TAFA2: variants seen among roughly 807,000 people sequenced by gnomAD.
The protein encoded by TAFA2 is chemokine-like protein TAFA-2.
A neutral mutation model predicts 18.8 loss-of-function variants in TAFA2; 7 were observed. The ratio of observed to expected loss-of-function variants is 0.37; its 90% confidence interval spans 0.21 to 0.70. TAFA2 has a LOEUF of 0.70. Among genes scored for constraint, TAFA2 ranks in the 30% least tolerant of loss-of-function variants. TAFA2 has a pLI of 0.53. For missense variants in TAFA2, 122 were observed against 158.1 expected (o/e 0.77, Z 1.23); for synonymous variants, 60 against 54.2 (o/e 1.11, Z -0.47).
At chr12:61,942,331 G>C (rs1422844720) in intron 1 of TAFA2, among the ~76,000 whole-genome samples, 2 of 149,092 alleles carry the variant, frequency 1.3e-5, no homozygotes, top group Non-Finnish European at 3.0e-5. Flanking sequence ...ACCAAAAGTA[G>C]ATAAAACCAC....
chr12:62,189,892 C>G (rs1375932849), intron 1 of TAFA2, among the ~76,000 whole-genome samples: 1 of 150,624 alleles, frequency 6.6e-6, no homozygotes, highest in Non-Finnish European at 1.5e-5. Flanking sequence ...GCTACACTAC[C>G]AAGTACTTTG....
chr12:61,903,311 CA>C (rs892804745), intron 1 of TAFA2, among the ~76,000 whole-genome samples: 1 of 152,124 alleles, frequency 6.6e-6, no homozygotes, highest in Non-Finnish European at 1.5e-5. Context: ...GTGAAACTGC[CA>C]AACTCAAGTT....
intron 1 of TAFA2, among the ~76,000 whole-genome samples, chr12:62,137,316 C>A (rs1250494214): frequency 6.6e-6 from 1 of 152,032 alleles, no homozygotes; most frequent in Non-Finnish European, 1.5e-5. Flanking sequence ...GTATGCTAAG[C>A]CCTCTATGAG....
intron 4 of TAFA2, among the ~76,000 whole-genome samples, chr12:61,713,606 G>T (rs184705719): frequency 4.6e-5 from 7 of 152,000 alleles, no homozygotes; most frequent in Admixed American, 3.3e-4. Context: ...GAAAACCAAA[G>T]GTTTAAAAAT....
At chr12:61,874,848 T>C (rs1281294293) in intron 1 of TAFA2, among the ~76,000 whole-genome samples, 1 of 151,992 alleles carries the variant, frequency 6.6e-6, no homozygotes, top group Non-Finnish European at 1.5e-5. Context: ...TTATTACAAG[T>C]GAATCACTTG....
At chr12:61,931,319 G>C (rs1303441166) in intron 1 of TAFA2, among the ~76,000 whole-genome samples, 1 of 152,050 alleles carries the variant, frequency 6.6e-6, no homozygotes, top group Non-Finnish European at 1.5e-5. Flanking sequence ...CAGGTACCTT[G>C]GTTCATATGA....
At chr12:62,144,034 T>G in intron 1 of TAFA2, among the ~76,000 whole-genome samples, 1 of 116,718 alleles carries the variant, frequency 8.6e-6, no homozygotes, top group African/African-American at 3.4e-5. Context: ...GGTGACAGAG[T>G]GAGACCCTAT....
At chr12:62,252,082 A>G (rs1291227294) in intron 1 of TAFA2, 1 of 152,228 alleles carries the variant, frequency 6.6e-6, no homozygotes, top group Admixed American at 6.5e-5. Flanking sequence ...CTGATCTACC[A>G]TTCTAGAGTT....
At position 61,897,900 on chromosome 12, in the gene TAFA2, C is replaced by T. The variant is rs76938525; in HGVS notation, c.-1-30474G>A. Among the ~76,000 whole-genome samples the T allele has an allele frequency of 7.5e-3, 1,148 of 152,296 alleles. 12 individuals are homozygous for T. The highest frequency in any genetic ancestry group is 0.027 in the African/African-American group (1,109 of 41,560). On this transcript the variant is annotated intron_variant, in intron 1 of 4. Transcript: ENST00000416284. ...AGTCTCATCTGAGACAAGGCAAGTC[C>T]CTTCCTCGTAGAAGCCTGTAAAATC...
At chr12:61,865,573 C>T (rs17125447) in intron 2 of TAFA2, among the ~76,000 whole-genome samples, 346 of 152,174 alleles carry the variant, frequency 2.3e-3, no homozygotes, top group African/African-American at 8.3e-3. Context: ...TTTTCTGACA[C>T]GATGTGTAAT....
At chr12:61,732,270 AGTG>A (rs1870487418) in intron 4 of TAFA2, among the ~76,000 whole-genome samples, 1 of 152,146 alleles carries the variant, frequency 6.6e-6, no homozygotes, top group Non-Finnish European at 1.5e-5. Flanking sequence ...GTGTGGTGTC[AGTG>A]AAATAAGCAA....
chr12:61,755,990 G>C, intron 2 of TAFA2, among the ~76,000 whole-genome samples: 1 of 152,048 alleles, frequency 6.6e-6, no homozygotes, highest in East Asian at 1.9e-4. Flanking sequence ...TATAAAAACA[G>C]ATATTACAAT....
intron 1 of TAFA2, among the ~76,000 whole-genome samples, chr12:62,123,187 T>A (rs1471324762): frequency 6.6e-6 from 1 of 152,176 alleles, no homozygotes; most frequent in Non-Finnish European, 1.5e-5. Context: ...TTTTATTCCC[T>A]CTCTCAACTG....
At chr12:61,975,514 C>CATGTGTGTGTGTGT (rs1555180430) in intron 1 of TAFA2, among the ~76,000 whole-genome samples, 2 of 136,652 alleles carry the variant, frequency 1.5e-5, no homozygotes, top group Admixed American at 7.5e-5. Context: ...CAATAATATT[C>CATGTGTGTGTGTGT]GTGTGTGTGT....
intron 1 of TAFA2, among the ~76,000 whole-genome samples, chr12:62,104,102 G>T (rs1305008905): frequency 6.6e-6 from 1 of 152,120 alleles, no homozygotes; most frequent in Non-Finnish European, 1.5e-5. Flanking sequence ...GAAAGCAAGT[G>T]ATATTTAAAA....
chr12:62,154,414 C>A (rs144711249), intron 1 of TAFA2, among the ~76,000 whole-genome samples: 1 of 152,110 alleles, frequency 6.6e-6, no homozygotes, highest in South Asian at 2.1e-4. Context: ...CATGCTACCC[C>A]TGATAACAAG....
intron 1 of TAFA2, among the ~76,000 whole-genome samples, chr12:61,917,370 T>A (rs1270581545): frequency 6.6e-6 from 1 of 152,226 alleles, no homozygotes; most frequent in Admixed American, 6.5e-5. Context: ...TAATAATAAG[T>A]TCACAGTTAT....
At chr12:62,235,805 C>G (rs1272758491) in intron 1 of TAFA2, among the ~76,000 whole-genome samples, 1 of 151,394 alleles carries the variant, frequency 6.6e-6, no homozygotes, top group Admixed American at 6.6e-5. Flanking sequence ...CCAGGCTGGA[C>G]CCTTGGGCTC....
intron 2 of TAFA2, among the ~76,000 whole-genome samples, chr12:61,808,224 C>T (rs1871706921): frequency 6.6e-6 from 1 of 151,440 alleles, no homozygotes; most frequent in Non-Finnish European, 1.5e-5. Flanking sequence ...CTCATGAGAT[C>T]TGATGATATT....
Sources: allele counts gnomAD v4.1 joint callset (sites outside exome capture counted in the v4.1 genomes callset), GRCh38; gene constraint gnomAD v4.1.1; transcripts MANE v1.5; gene names NCBI Gene and HGNC (gene_info 2026-07-23, HGNC 2026-07-21).